Variants in GAS2L1 observed in about 807,000 individuals in gnomAD.
The protein encoded by GAS2L1 is GAS2-like protein 1.
GAS2L1 carries 26 observed loss-of-function variants against 44.0 expected under a neutral mutation model. The ratio of observed to expected loss-of-function variants is 0.59; its 90% CI spans 0.43 to 0.82. The LOEUF (loss-of-function observed/expected upper bound fraction) is 0.82. Among genes scored for constraint, GAS2L1 ranks in the 40% least tolerant of loss-of-function variants. The pLI is 0.00. For missense variants in GAS2L1, 1,006 were observed against 983.0 expected, an observed-to-expected ratio of 1.02 and a Z score of -0.31; for synonymous variants, 426 against 415.9, an observed-to-expected ratio of 1.02 and a Z score of -0.30.
chr22:29,311,807 C>T (rs1483648406), exon 5 of GAS2L1: 2 of 1,585,042 alleles, frequency 1.3e-6, no homozygotes, highest in African/African-American at 1.3e-5. Context: ...GGGATCGAGA[C>T]GGGCAGCACT....
At chr22:29,308,598 G>A in exon 1 of GAS2L1, 2 of 1,598,210 alleles carry the variant, frequency 1.3e-6, no homozygotes, top group Non-Finnish European at 1.7e-6. Context: ...GCAGGAGATT[G>A]AGCGGGAGCT....
At chr22:29,311,231 C>A (rs948601505) in intron 4 of GAS2L1, 3 of 589,812 alleles carry the variant, frequency 5.1e-6, no homozygotes, top group South Asian at 4.2e-5. Context: ...TCCTCTGGCC[C>A]GTCCTGGGAA....
At position 29,311,225 on chromosome 22, in the gene GAS2L1, C is replaced by G. The variant is rs544383390; in HGVS notation, c.1010+227C>G. On this transcript the variant is annotated intron_variant, in intron 4 of 4. Coordinates refer to ENST00000618518, the Ensembl canonical transcript of GAS2L1. ...GCAGCCAGTCCAGCTCTTGCTTCCT[C>G]TGGCCCGTCCTGGGAAGGGGGGTGT... 2.7e-4 allele frequency: 161 copies of G among 592,642 alleles called. 1 individual carries two copies. The highest frequency in any genetic ancestry group is 3.8e-4 in the Non-Finnish European group (129 of 335,234). 36.7% of individuals were successfully genotyped at this position (592,642 alleles called of 1,614,324 possible).
chr22:29,310,242 C>CAA (rs1400782855), intron 1 of GAS2L1, 197 bp from the exon 3 acceptor site: 88 of 188,780 alleles, frequency 4.7e-4, no homozygotes, highest in Middle Eastern at 1.4e-3. Flanking sequence ...AACTCCAACT[C>CAA]AAAAAAAAAA....
rs761751970 is a variant in GAS2L1 at position 29,311,456 on chromosome 22, C to T, written c.1011-6C>T. The T allele has an allele frequency of 3.9e-5, 47 of 1,193,828 alleles. No homozygotes were observed. Among genetic ancestry groups the T allele is most frequent in the Non-Finnish European group, 4.9e-5 (42 of 850,606 alleles). 74.0% of individuals were successfully genotyped at this position (1,193,828 alleles called of 1,614,324 possible). Reference sequence around the variant, plus strand: ...CCCATCTGTCTCTATTGTCCCCCTGCCCCAGGCCCCGGGATCAGCTGCCCC... The same window carrying T: ...CCCATCTGTCTCTATTGTCCCCCTGTCCCAGGCCCCGGGATCAGCTGCCCC... On this transcript the variant is annotated splice_polypyrimidine_tract_variant and splice_region_variant and intron_variant, in intron 4 of 4. Transcript: ENST00000618518.
At chr22:29,310,248 AAAAAAAAAAT>A (rs1210966233) in intron 1 of GAS2L1, 181 bp from the exon 3 acceptor site, 21 of 338,160 alleles carry the variant, frequency 6.2e-5, no homozygotes, top group East Asian at 9.5e-5. Flanking sequence ...AACTCAAAAA[AAAAAAAAAAT>A]AAAAAAAAAT....
exon 5 of GAS2L1, chr22:29,312,431 A>C (rs2061420786): frequency 6.5e-7 from 1 of 1,540,886 alleles, no homozygotes; most frequent in South Asian, 1.3e-5. Context: ...CCGGACCCGC[A>C]GAGCTGGGGA....
exon 1 of GAS2L1, chr22:29,307,073 G>GGGCGGCGCCTCCCTGC (rs1221946120): frequency 6.6e-6 from 1 of 151,880 alleles, no homozygotes; most frequent in Admixed American, 6.6e-5. Flanking sequence ...GCTGCGGCTC[G>GGGCGGCGCCTCCCTGC]GGCGGCGCCT....
At chr22:29,306,684 C>A (rs557913022), upstream of GAS2L1, 3 of 152,502 alleles carry the variant, frequency 2.0e-5, no homozygotes, top group East Asian at 5.8e-4. Context: ...GGGAACAGGC[C>A]GTGCTGTGCG....
exon 1 of GAS2L1, chr22:29,308,175 G>C: frequency 6.2e-7 from 1 of 1,604,488 alleles, no homozygotes; most frequent in Non-Finnish European, 8.5e-7. Flanking sequence ...CTCCAGTGAG[G>C]CCTACGTGGA....
upstream of GAS2L1, chr22:29,307,046 G>A (rs1025320323): frequency 6.6e-6 from 1 of 151,656 alleles, no homozygotes; most frequent in Non-Finnish European, 1.5e-5. Context: ...AGGAGGCCGC[G>A]GCGCGGGACG....
chr22:29,311,390 C>T, intron 4 of GAS2L1, 72 bp from the exon 6 acceptor site: 1 of 650,192 alleles, frequency 1.5e-6, no homozygotes, highest in Admixed American at 2.8e-5. Flanking sequence ...CCCTGCTGTT[C>T]CTCTCCCTGC....
exon 1 of GAS2L1, chr22:29,307,080 G>T (rs544585385): frequency 6.4e-4 from 97 of 151,938 alleles, no homozygotes; most frequent in African/African-American, 2.2e-3. Context: ...CTCGGGCGGC[G>T]CCTCCCTGCG....
At chr22:29,308,338 C>T (rs202033318) in exon 1 of GAS2L1, 2 of 1,602,350 alleles carry the variant, frequency 1.2e-6, no homozygotes, top group Non-Finnish European at 1.7e-6. Context: ...GCATTGGCAG[C>T]CGCCCGCCCG....
At chr22:29,312,773 GT>G in exon 5 of GAS2L1, 1 of 354,512 alleles carries the variant, frequency 2.8e-6, no homozygotes, top group Middle Eastern at 7.3e-4. Flanking sequence ...TGACAGTAAA[GT>G]TTTGCTCCAG....
At chr22:29,312,357 A>T (rs1241062962) in exon 5 of GAS2L1, 1 of 1,603,972 alleles carries the variant, frequency 6.2e-7, no homozygotes, top group Non-Finnish European at 8.5e-7. Flanking sequence ...ACGGGGTCGG[A>T]TGGACACACA....
At chr22:29,308,151 G>A (rs779572504) in exon 1 of GAS2L1, 21 of 1,586,370 alleles carry the variant, frequency 1.3e-5, no homozygotes, top group African/African-American at 2.7e-5. Context: ...GGCCAAGAGC[G>A]TGCGGCCATT....
At chr22:29,308,885 A>C in intron 1 of GAS2L1, 147 bp downstream of exon 2, 5 of 598,592 alleles carry the variant, frequency 8.4e-6, no homozygotes, top group Non-Finnish European at 1.0e-5. Context: ...AAACCGAGGA[A>C]TGTATACCTG....
exon 5 of GAS2L1, chr22:29,312,195 G>A (rs1195663734): frequency 6.8e-6 from 11 of 1,613,094 alleles, no homozygotes; most frequent in Non-Finnish European, 9.3e-6. Context: ...CCAACCTGGG[G>A]ACTCTGGCCG....
Sources: gnomAD v4.1 joint callset for allele counts on GRCh38, gnomAD v4.1.1 for gene constraint, MANE v1.5 for transcripts, NCBI Gene and HGNC (gene_info 2026-07-23, HGNC 2026-07-21) for gene names.